UBE2G1: variants seen among roughly 807,000 people sequenced by gnomAD.
The protein encoded by UBE2G1 is ubiquitin conjugating enzyme E2 G1.
A neutral mutation model predicts 22.7 loss-of-function variants in UBE2G1; 5 were observed. The observed-to-expected ratio is 0.22, with a 90% CI of 0.12 to 0.46. The LOEUF is 0.46. UBE2G1 is among the 20% of genes least tolerant of loss of function. UBE2G1 has a pLI of 0.99. For synonymous variants in UBE2G1, 74 were observed against 67.5 expected (o/e 1.10, Z -0.47); for missense variants, 88 against 203.9 (o/e 0.43, Z 3.46).
chr17:4,351,492 G>T (rs1969844237), intron 1 of UBE2G1, among the ~76,000 whole-genome samples: 2 of 152,182 alleles, frequency 1.3e-5, no homozygotes, highest in Non-Finnish European at 2.9e-5. Context: ...CAGAAGAAGA[G>T]CAAAGGTGTC....
intron 1 of UBE2G1, among the ~76,000 whole-genome samples, chr17:4,308,183 G>A (rs1040321353): frequency 3.3e-5 from 5 of 151,994 alleles, no homozygotes; most frequent in Admixed American, 6.6e-5. Context: ...GAGAAACGCC[G>A]TCTCTATTAA....
chr17:4,361,697 C>T (rs979927938), intron 1 of UBE2G1, among the ~76,000 whole-genome samples: 4 of 151,754 alleles, frequency 2.6e-5, no homozygotes, highest in African/African-American at 9.7e-5. Context: ...CCAGCACTTT[C>T]GTAAGCTGAG....
At position 4,324,883 on chromosome 17, in the gene UBE2G1, C is replaced by T. The variant is rs908638240; in HGVS notation, c.47-17760G>A. Among the ~76,000 whole-genome samples, 3 of 152,178 alleles carry T rather than the reference C, an allele frequency of 2.0e-5. No individual in the cohort carries two copies. In the South Asian group the frequency reaches 6.2e-4, roughly 32 times the overall value. On this transcript the variant is annotated intron_variant, in intron 1 of 5. Transcript: ENST00000396981. ...ACGAGGTCAGGAGATCGAGACCATC[C>T]TGGCTAACACAGTGAAACCACGTCT...
chr17:4,288,281 T>TA (rs748291246), intron 4 of UBE2G1, among the ~76,000 whole-genome samples: 2 of 152,142 alleles, frequency 1.3e-5, no homozygotes, highest in Non-Finnish European at 1.5e-5. Flanking sequence ...CTTTTGTTTT[T>TA]AGAGTCCAGA....
intron 1 of UBE2G1, among the ~76,000 whole-genome samples, chr17:4,354,275 T>C (rs1733996091): frequency 1.3e-5 from 2 of 152,104 alleles, no homozygotes; most frequent in Admixed American, 1.3e-4. Flanking sequence ...AAAGCAGCTG[T>C]ATTATGGAAC....
At chr17:4,286,408 A>T (rs1313422588) in intron 4 of UBE2G1, among the ~76,000 whole-genome samples, 1 of 151,292 alleles carries the variant, frequency 6.6e-6, no homozygotes, top group Non-Finnish European at 1.5e-5. Context: ...CTGTCTCAAA[A>T]AAAAAAAAAA....
intron 1 of UBE2G1, among the ~76,000 whole-genome samples, chr17:4,356,711 A>G (rs748406800): frequency 7.2e-5 from 11 of 152,226 alleles, no homozygotes; most frequent in Non-Finnish European, 1.5e-4. Context: ...CAAAAATAAT[A>G]ACAAAAAAAT....
intron 1 of UBE2G1, among the ~76,000 whole-genome samples, chr17:4,314,839 G>C (rs1969347999): frequency 6.6e-6 from 1 of 151,968 alleles, no homozygotes; most frequent in Non-Finnish European, 1.5e-5. Flanking sequence ...GGACATCCCT[G>C]GGACACAATT....
chr17:4,298,478 G>A (rs182919139), intron 2 of UBE2G1, among the ~76,000 whole-genome samples: 33 of 152,260 alleles, frequency 2.2e-4, no homozygotes, highest in South Asian at 4.1e-4. Flanking sequence ...AGCTTGAACT[G>A]TTCACAAGCA....
chr17:4,334,218 T>TG (rs1238040645), intron 1 of UBE2G1, among the ~76,000 whole-genome samples: 1 of 151,582 alleles, frequency 6.6e-6, no homozygotes, highest in Non-Finnish European at 1.5e-5. Flanking sequence ...TAAGCCACCA[T>TG]GCAAGGTACA....
chr17:4,284,093 G>A (rs968160761), intron 4 of UBE2G1, among the ~76,000 whole-genome samples: 6 of 148,586 alleles, frequency 4.0e-5, no homozygotes, highest in Non-Finnish European at 7.4e-5. Flanking sequence ...AGAGGCAGAC[G>A]TTGCAGTGAG....
intron 1 of UBE2G1, chr17:4,345,493 C>T (rs1969757939): frequency 6.6e-6 from 1 of 152,142 alleles, no homozygotes; most frequent in African/African-American, 2.4e-5. Flanking sequence ...ATTCCCTATA[C>T]ATAACTTTCA....
At position 4,361,919 on chromosome 17, in the gene UBE2G1, G is replaced by T. The variant is rs114622024; in HGVS notation, c.46+4352C>A. Among the ~76,000 whole-genome samples, 557 of 135,490 alleles carry T rather than the reference G, an allele frequency of 4.1e-3. 1 individual carries two copies. Among genetic ancestry groups the T allele is most frequent in the African/African-American group, 0.015 (541 of 35,146 alleles). 88.9% of individuals were successfully genotyped at this position (135,490 alleles called of 152,430 possible). A position where few individuals can be genotyped will look rare whatever the true frequency, so the allele number is the denominator to read the frequency against. On this transcript the variant is annotated intron_variant, in intron 1 of 5. Coordinates refer to ENST00000396981, the MANE Select transcript of UBE2G1 (RefSeq NM_003342.5). ...ATCGTGCCACTGCATTCCAGCCTGG[G>T]CCACTGCAATCCAGCCTGGGCGACA...
At chr17:4,340,888 C>A (rs1475119266) in intron 1 of UBE2G1, among the ~76,000 whole-genome samples, 3 of 130,264 alleles carry the variant, frequency 2.3e-5, no homozygotes, top group Non-Finnish European at 3.1e-5. Context: ...CCTTAATTCA[C>A]GTATTTAAAA....
At chr17:4,331,813 C>G (rs1396424643) in intron 1 of UBE2G1, 1 of 152,168 alleles carries the variant, frequency 6.6e-6, no homozygotes, top group African/African-American at 2.4e-5. Flanking sequence ...ATCTTCTGGG[C>G]AGAACCCCAG....
At chr17:4,346,127 T>C (rs1969768184) in intron 1 of UBE2G1, among the ~76,000 whole-genome samples, 6 of 152,210 alleles carry the variant, frequency 3.9e-5, no homozygotes, top group African/African-American at 1.4e-4. Context: ...TTACAACCAG[T>C]AATCTGAAGA....
At chr17:4,311,657 T>A (rs527796356) in intron 1 of UBE2G1, among the ~76,000 whole-genome samples, 3 of 152,262 alleles carry the variant, frequency 2.0e-5, no homozygotes, top group East Asian at 3.9e-4. Context: ...TTAAGGGGTA[T>A]AGGGATGGCG....
intron 1 of UBE2G1, among the ~76,000 whole-genome samples, chr17:4,363,224 CCTA>C (rs770565691): frequency 2.2e-4 from 34 of 151,992 alleles, no homozygotes; most frequent in Non-Finnish European, 4.7e-4. Context: ...TTTGCCTTGC[CCTA>C]CTACTTTGTA....
intron 1 of UBE2G1, among the ~76,000 whole-genome samples, chr17:4,310,183 A>G (rs1969293925): frequency 6.6e-6 from 1 of 152,176 alleles, no homozygotes; most frequent in South Asian, 2.1e-4. Context: ...AGCCCCCTCC[A>G]TGAAGTCTTC....
Sources: gnomAD v4.1 joint callset for allele counts (sites outside exome capture counted in the v4.1 genomes callset) on GRCh38, gnomAD v4.1.1 for gene constraint, MANE v1.5 for transcripts, NCBI Gene and HGNC (gene_info 2026-07-23, HGNC 2026-07-21) for gene names.